The following KLHL1 variants were observed in gnomAD, a reference collection of about 807,000 sequenced individuals.
KLHL1 encodes kelch like family member 1.
In KLHL1, 47 loss-of-function variants were observed where a neutral mutation model predicts 77.7. The observed-to-expected ratio is 0.60, with a 90% CI of 0.48 to 0.77. The LOEUF is 0.77. Ranked by LOEUF, KLHL1 falls within the 30% of genes least tolerant of loss-of-function variation. The pLI, the probability that KLHL1 is intolerant of heterozygous loss-of-function variation, is 0.00. For synonymous variants in KLHL1, 360 were observed against 325.2 expected (o/e 1.11, Z -1.15); for missense variants, 925 against 910.8 (o/e 1.02, Z -0.20).
chr13:69,795,918 T>C (rs999371001), intron 7 of KLHL1, among the ~76,000 whole-genome samples: 4 of 152,198 alleles, frequency 2.6e-5, no homozygotes, highest in Non-Finnish European at 4.4e-5. Flanking sequence ...ATCAATTAGG[T>C]TCAAAGACAT....
chr13:70,067,068 C>G (rs1887025846), intron 1 of KLHL1, among the ~76,000 whole-genome samples: 1 of 152,128 alleles, frequency 6.6e-6, no homozygotes, highest in Admixed American at 6.6e-5. Flanking sequence ...TCCTGTACTC[C>G]AGTTTCCGCA....
At chr13:69,733,508 A>T (rs956448045) in intron 8 of KLHL1, among the ~76,000 whole-genome samples, 4 of 152,166 alleles carry the variant, frequency 2.6e-5, no homozygotes, top group Non-Finnish European at 5.9e-5. Flanking sequence ...GAACTCCATA[A>T]ATCAAAATGA....
intron 4 of KLHL1, among the ~76,000 whole-genome samples, chr13:69,902,267 A>T (rs576331293): frequency 6.6e-6 from 1 of 152,206 alleles, no homozygotes; most frequent in South Asian, 2.1e-4. Context: ...TGTTTGTTCA[A>T]CATGGGCTGG....
intron 6 of KLHL1, among the ~76,000 whole-genome samples, chr13:69,825,868 T>A (rs1251735508): frequency 6.6e-6 from 1 of 152,196 alleles, no homozygotes; most frequent in Non-Finnish European, 1.5e-5. Context: ...TGATAGGGTA[T>A]ATCCCAGATA....
chr13:70,088,670 C>T (rs1193484106), intron 1 of KLHL1, among the ~76,000 whole-genome samples: 1 of 151,676 alleles, frequency 6.6e-6, no homozygotes, highest in African/African-American at 2.4e-5. Context: ...GGTAACAGAG[C>T]AAGACCCTGT....
chr13:70,017,402 A>G (rs748217732), intron 1 of KLHL1, among the ~76,000 whole-genome samples: 5 of 152,174 alleles, frequency 3.3e-5, no homozygotes, highest in African/African-American at 4.8e-5. Flanking sequence ...AGCTGCATAC[A>G]ATACATCTGG....
At chr13:69,784,946 G>A (rs1264938027) in intron 7 of KLHL1, among the ~76,000 whole-genome samples, 1 of 135,198 alleles carries the variant, frequency 7.4e-6, no homozygotes, top group Non-Finnish European at 1.5e-5. Flanking sequence ...CTGGAGTGCA[G>A]TGGTGGGATC....
intron 7 of KLHL1, among the ~76,000 whole-genome samples, chr13:69,781,278 T>C (rs1412266386): frequency 7.3e-6 from 1 of 136,696 alleles, no homozygotes; most frequent in African/African-American, 2.9e-5. Flanking sequence ...GACTCCTTTT[T>C]TTCTTTCTTT....
intron 2 of KLHL1, among the ~76,000 whole-genome samples, chr13:69,969,823 A>T (rs150738977): frequency 6.6e-6 from 1 of 152,308 alleles, no homozygotes; most frequent in South Asian, 2.1e-4. Context: ...ATTTAGTTCT[A>T]TTAATGCTAG....
At chr13:70,099,298 A>T (rs980273966) in intron 1 of KLHL1, among the ~76,000 whole-genome samples, 2 of 151,718 alleles carry the variant, frequency 1.3e-5, no homozygotes, top group African/African-American at 4.8e-5. Context: ...CTGCCCCATT[A>T]ATGTAAAGCC....
intron 6 of KLHL1, among the ~76,000 whole-genome samples, chr13:69,821,514 C>T (rs921717538): frequency 6.6e-6 from 1 of 151,956 alleles, no homozygotes; most frequent in African/African-American, 2.4e-5. Flanking sequence ...GGGGTTTCAT[C>T]ATGTTGGCCA....
chr13:70,022,324 C>G (rs1885825023), intron 1 of KLHL1, among the ~76,000 whole-genome samples: 1 of 149,614 alleles, frequency 6.7e-6, no homozygotes. Context: ...GTTGTAGGAT[C>G]TCTATTCTAT....
At chr13:70,093,999 T>C (rs1887730794) in intron 1 of KLHL1, among the ~76,000 whole-genome samples, 1 of 152,194 alleles carries the variant, frequency 6.6e-6, no homozygotes, top group African/African-American at 2.4e-5. Context: ...CTAAGAGTAG[T>C]ATACGGTAAA....
chr13:69,944,530 G>C (rs947240707), intron 3 of KLHL1, among the ~76,000 whole-genome samples: 1 of 152,128 alleles, frequency 6.6e-6, no homozygotes, highest in Non-Finnish European at 1.5e-5. Flanking sequence ...GTTAGTCTTG[G>C]GGATCACCCA....
chr13:69,887,348 A>G (rs191959487), intron 4 of KLHL1, among the ~76,000 whole-genome samples: 77 of 152,312 alleles, frequency 5.1e-4, no homozygotes, highest in African/African-American at 1.8e-3. Context: ...CTCAGAGGGC[A>G]CAGGTAAACC....
chr13:69,742,334 C>T (rs1473817491), intron 7 of KLHL1, among the ~76,000 whole-genome samples: 1 of 152,084 alleles, frequency 6.6e-6, no homozygotes, highest in African/African-American at 2.4e-5. Context: ...TTAAAATAAC[C>T]TCCTTTTAAA....
chr13:70,103,547 T>C (rs1887975014), intron 1 of KLHL1, among the ~76,000 whole-genome samples: 1 of 151,830 alleles, frequency 6.6e-6, no homozygotes. Context: ...TGATAAGAGA[T>C]GGAGGTTGCA....
intron 6 of KLHL1, among the ~76,000 whole-genome samples, chr13:69,824,198 A>G (rs1167809205): frequency 6.6e-6 from 1 of 152,032 alleles, no homozygotes; most frequent in African/African-American, 2.4e-5. Context: ...ATAGCAAAGA[A>G]TGTTTCTATG....
intron 1 of KLHL1, among the ~76,000 whole-genome samples, chr13:70,044,974 A>G (rs111658856): frequency 1.2e-3 from 187 of 152,280 alleles, no homozygotes; most frequent in African/African-American, 4.2e-3. Context: ...TTCTATGACC[A>G]AGTTATCTTG....
Sources: gnomAD v4.1 joint callset for allele counts (sites outside exome capture counted in the v4.1 genomes callset) on GRCh38, gnomAD v4.1.1 for gene constraint, MANE v1.5 for transcripts, NCBI Gene and HGNC (gene_info 2026-07-23, HGNC 2026-07-21) for gene names.